The following FBXO47 variants were observed in gnomAD, a reference collection of about 807,000 sequenced individuals.
The protein encoded by FBXO47 is F-box protein 47.
In FBXO47, 34 loss-of-function variants were observed where a neutral mutation model predicts 53.9. That is an observed-to-expected ratio of 0.63 (90% confidence interval 0.48 to 0.84). The LOEUF (loss-of-function observed/expected upper bound fraction) is 0.84, where lower values mean the gene tolerates loss of function less well. FBXO47 is among the 40% of genes least tolerant of loss of function. FBXO47 has a pLI of 0.00. For missense variants in FBXO47, 485 were observed against 541.3 expected, an observed-to-expected ratio of 0.90 and a Z score of 1.03; for synonymous variants, 165 against 181.6, an observed-to-expected ratio of 0.91 and a Z score of 0.73.
At position 38,957,107 on chromosome 17, in the gene FBXO47, G is replaced by A. The variant is rs568731266; in HGVS notation, c.429+70C>T. The A allele has an allele frequency of 5.9e-5, 60 of 1,017,604 alleles. No individual in the cohort carries two copies. In the African/African-American group the frequency reaches 8.4e-4, roughly 14 times the overall value. The allele number at this position is 1,017,604 out of a possible 1,614,324, so 63.0% of individuals were successfully genotyped here. A position where few individuals can be genotyped will look rare whatever the true frequency, so the allele number is the denominator to read the frequency against. On this transcript the variant is annotated intron_variant, in intron 4 of 10. Coordinates refer to ENST00000378079, the MANE Select transcript of FBXO47 (RefSeq NM_001008777.3). The stretch of plus-strand genomic sequence containing the variant: ...ATTCTACTAATATAGAGTAAAATGA[G>A]CATAAGATAATAATAAAATATCTTT...
chr17:38,951,975 T>C (rs8066038), intron 5 of FBXO47, among the ~76,000 whole-genome samples: 5,494 of 151,980 alleles, frequency 0.036, 291 homozygotes, highest in African/African-American at 0.11. Context: ...TGCAGTGAGA[T>C]GAGATCATGC....
At chr17:38,944,848 A>ATGTGTGTGTGTGTGTG (rs71300085) in intron 7 of FBXO47, 112 bp downstream of exon 7, 26,708 of 613,298 alleles carry the variant, frequency 0.044, 461 homozygotes, top group Non-Finnish European at 0.044. Flanking sequence ...GCGTGCATGC[A>ATGTGTGTGTGTGTGTG]TGTGTGTGTG....
chr17:38,961,153 G>A (rs889096872), intron 3 of FBXO47, among the ~76,000 whole-genome samples: 8 of 151,994 alleles, frequency 5.3e-5, no homozygotes, highest in Non-Finnish European at 8.8e-5. Context: ...GCATCCTTGG[G>A]CTACTAAAAG....
At chr17:38,940,357 C>T (rs1904452664) in intron 9 of FBXO47, among the ~76,000 whole-genome samples, 1 of 151,930 alleles carries the variant, frequency 6.6e-6, no homozygotes, top group Admixed American at 6.6e-5. Flanking sequence ...CTCTTCATTA[C>T]ATTTGCTATA....
Position 38,951,572 on chromosome 17 carries a change from GT to G in FBXO47, c.616+8del, listed in dbSNP as rs760784585. 9 of 1,584,976 alleles carry G rather than the reference GT, an allele frequency of 5.7e-6. 1 individual carries two copies. The highest frequency in any genetic ancestry group is 3.3e-4 in the Middle Eastern group (2 of 5,986). On this transcript the variant is annotated splice_region_variant and intron_variant, in intron 6 of 10. Coordinates refer to ENST00000378079, the MANE Select transcript of FBXO47 (RefSeq NM_001008777.3). The stretch of plus-strand genomic sequence containing the variant: ...CTCTGTATATTATATGCAAATTATA[GT>G]TTTTTACCTGGTTTGCTGCAGACAG...
At chr17:38,946,783 CATATAA>C (rs1474717861) in intron 6 of FBXO47, among the ~76,000 whole-genome samples, 7 of 67,670 alleles carry the variant, frequency 1.0e-4, no homozygotes, top group African/African-American at 4.5e-4. Context: ...TATATATAAA[CATATAA>C]ATATATATAG....
At position 38,944,364 on chromosome 17, in the gene FBXO47, C is replaced by A. The variant is rs562791839; in HGVS notation, c.793+596G>T. ...ACCAAAGTGGGACCCTGCAGGAGAT[C>A]GAGACCATCCTGGATAACACGGTGA... On this transcript the variant is annotated intron_variant, in intron 7 of 10. Coordinates refer to ENST00000378079, the MANE Select transcript of FBXO47 (RefSeq NM_001008777.3). Among the ~76,000 whole-genome samples, 6 of 151,564 alleles carry A rather than the reference C, an allele frequency of 4.0e-5. No individual in the cohort carries two copies. In the South Asian group the frequency reaches 1.2e-3, roughly 31 times the overall value.
chr17:38,945,276 T>A, intron 6 of FBXO47, 140 bp from the exon 7 acceptor site: 1 of 610,304 alleles, frequency 1.6e-6, no homozygotes, highest in African/African-American at 1.9e-5. Flanking sequence ...CAAGAGATTA[T>A]CTATTCTTAA....
chr17:38,963,053 T>G lies in FBXO47; in HGVS notation c.-26-2A>C, dbSNP rs960882491. Reference sequence around the variant, plus strand: ...TTCTTCTTGTCTCACAAATTTATCCTGGTCAGAAAAACAAAGTACAAGAGA... The same window carrying G: ...TTCTTCTTGTCTCACAAATTTATCCGGGTCAGAAAAACAAAGTACAAGAGA... On this transcript the variant is annotated splice_acceptor_variant, in intron 1 of 10. Coordinates refer to ENST00000378079, the MANE Select transcript of FBXO47 (RefSeq NM_001008777.3). LOFTEE classifies it low-confidence loss of function (5UTR_SPLICE). 2 of 1,560,154 alleles carry G rather than the reference T, an allele frequency of 1.3e-6. No homozygotes were observed. The highest frequency in any genetic ancestry group is 1.4e-5 in the African/African-American group (1 of 73,082).
chr17:38,946,335 TATATATAA>T lies in FBXO47; in HGVS notation c.617-1207_617-1200del, dbSNP rs1261336452. 1.3e-4 allele frequency among the ~76,000 whole-genome samples: 12 copies of T among 91,074 alleles called. 1 individual carries two copies. The highest frequency in any genetic ancestry group is 3.8e-4 in the South Asian group (1 of 2,616). 59.7% of individuals were successfully genotyped at this position (91,074 alleles called of 152,430 possible). A position where few individuals can be genotyped will look rare whatever the true frequency, so the allele number is the denominator to read the frequency against. The stretch of plus-strand genomic sequence containing the variant: ...ATATAAATATATATAAATATATAAA[TATATATAA>T]ATATATAAATATATATAAATATATA... On this transcript the variant is annotated intron_variant, in intron 6 of 10. Transcript: ENST00000378079.
chr17:38,946,313 T>A lies in FBXO47; in HGVS notation c.617-1177A>T, dbSNP rs868587704. On this transcript the variant is annotated intron_variant, in intron 6 of 10. Transcript: ENST00000378079. ...ATATATAAAAATATATATAAATATA[T>A]AAATATATATAAATATATAAATATA... 3.3e-4 allele frequency among the ~76,000 whole-genome samples: 16 copies of A among 47,828 alleles called. No individual in the cohort carries two copies. The East Asian group carries it at 7.5e-3, about 22-fold the overall frequency. 31.4% of individuals were successfully genotyped at this position (47,828 alleles called of 152,430 possible).
At chr17:38,947,291 C>T (rs1904996082) in intron 6 of FBXO47, among the ~76,000 whole-genome samples, 1 of 151,382 alleles carries the variant, frequency 6.6e-6, no homozygotes, top group South Asian at 2.1e-4. Flanking sequence ...CAGAGCTAGA[C>T]TTTGTCTAAA....
intron 5 of FBXO47, among the ~76,000 whole-genome samples, chr17:38,954,544 A>G (rs1185404602): frequency 6.6e-6 from 1 of 152,152 alleles, no homozygotes; most frequent in Non-Finnish European, 1.5e-5. Flanking sequence ...ACACCACCTC[A>G]TAATATTTCT....
Position 38,942,854 on chromosome 17 carries a change from C to T in FBXO47, c.1007G>A (p.Cys336Tyr). 6.2e-7 allele frequency: 1 copy of T among 1,613,880 alleles called. No individual in the cohort carries two copies. Among genetic ancestry groups the T allele is most frequent in the Non-Finnish European group, 8.5e-7 (1 of 1,179,872 alleles). The change falls in exon 9 of 11, where the codon TGT becomes TAT. Residue 336 changes from cysteine to tyrosine, a missense_variant. Physicochemically the swap from Cys to Tyr is radical, Grantham distance 194. Coordinates refer to ENST00000378079, the MANE Select transcript of FBXO47 (RefSeq NM_001008777.3). The part of the protein sequence containing the change: ...RLLMLSGNNI[C>Y]FSFMASKAVN... ...AGCTTTACTAGCCATGAAACTGAAA[C>T]AGATGTTGTTTCCACTTAGCATTAG... is the stretch of plus-strand genomic sequence containing the variant.
At chr17:38,946,324 A>G (rs1246031182) in intron 6 of FBXO47, among the ~76,000 whole-genome samples, 9 of 79,358 alleles carry the variant, frequency 1.1e-4, no homozygotes, top group African/African-American at 4.8e-4. Context: ...AAATATATAT[A>G]AATATATAAA....
chr17:38,946,983 T>TATATGTAA (rs1567717560), intron 6 of FBXO47, among the ~76,000 whole-genome samples: 6 of 62,432 alleles, frequency 9.6e-5, no homozygotes, highest in African/African-American at 1.8e-4. Context: ...TATATGTAAA[T>TATATGTAA]ATATATAAAC....
rs749405814 is a variant in FBXO47 at position 38,937,284 on chromosome 17, C to G, written c.1250G>C (p.Arg417Pro). Reference protein sequence around the residue: ...EMLQSIMSGDRDEDDRSFLNL... With the variant: ...EMLQSIMSGDPDEDDRSFLNL... Reference sequence around the variant, plus strand: ...CAAAAAGCTTCTGTCATCTTCATCACGGTCTCCTATATGCCATACATAGTG... The same window carrying G: ...CAAAAAGCTTCTGTCATCTTCATCAGGGTCTCCTATATGCCATACATAGTG... The change falls in exon 11 of 11, where the codon CGT (arginine) becomes CCT (proline). Residue 417 changes from arginine (R) to proline (P), a missense_variant. Coordinates refer to ENST00000378079, the MANE Select transcript of FBXO47 (RefSeq NM_001008777.3). 1.9e-6 allele frequency: 3 copies of G among 1,547,496 alleles called. No homozygotes were observed. Among genetic ancestry groups the G allele is most frequent in the Non-Finnish European group, 2.7e-6 (3 of 1,120,676 alleles).
At chr17:38,948,609 A>C (rs1437809498) in intron 6 of FBXO47, among the ~76,000 whole-genome samples, 1 of 152,090 alleles carries the variant, frequency 6.6e-6, no homozygotes, top group Non-Finnish European at 1.5e-5. Context: ...AGGTTCATCC[A>C]TGTTGTAGCA....
chr17:38,955,685 G>C (rs113834635), intron 4 of FBXO47, among the ~76,000 whole-genome samples: 3,927 of 151,376 alleles, frequency 0.026, 171 homozygotes, highest in African/African-American at 0.09. Flanking sequence ...GTTTAGTAGA[G>C]ACGGGGTTTC....
Sources: gnomAD v4.1 joint callset for allele counts (sites outside exome capture counted in the v4.1 genomes callset) on GRCh38, gnomAD v4.1.1 for gene constraint, MANE v1.5 for transcripts, NCBI Gene and HGNC (gene_info 2026-07-23, HGNC 2026-07-21) for gene names.